Variants in EXOC6 observed in about 807,000 individuals in gnomAD.
The protein encoded by EXOC6 is SEC15-like 1.
A neutral mutation model predicts 112.5 loss-of-function variants in EXOC6; 60 were observed. The observed-to-expected ratio is 0.53, with a 90% CI of 0.43 to 0.66. The LOEUF is 0.66. Among genes scored for constraint, EXOC6 ranks in the 30% least tolerant of loss-of-function variants. EXOC6 has a pLI of 0.00. For synonymous variants in EXOC6, 295 were observed against 308.0 expected, an observed-to-expected ratio of 0.96 and a Z score of 0.44; for missense variants, 855 against 957.1, an observed-to-expected ratio of 0.89 and a Z score of 1.41.
Position 93,058,258 on chromosome 10 carries a change from C to T in EXOC6, c.2318C>T (p.Ala773Val), listed in dbSNP as rs1564947045. Residue 773 changes from alanine (A) to valine (V), a missense_variant, in exon 22 of 22, where the codon GCT (alanine) becomes GTT (valine). Transcript: ENST00000260762. ...ACTAGCAAAAAGAACAATATATTTGCTCAGTTCAGGAAGAATGATCGAGAC... is the reference window on the plus strand; with the variant it reads ...ACTAGCAAAAAGAACAATATATTTGTTCAGTTCAGGAAGAATGATCGAGAC... Reference protein sequence around the residue: ...KDTSKKNNIFAQFRKNDRDKQ... With the variant: ...KDTSKKNNIFVQFRKNDRDKQ... The T allele has an allele frequency of 1.2e-6, 2 of 1,608,844 alleles. No homozygotes were observed. Among genetic ancestry groups the T allele is most frequent in the Non-Finnish European group, 1.7e-6 (2 of 1,178,926 alleles).
intron 1 of EXOC6, among the ~76,000 whole-genome samples, chr10:92,883,450 T>C (rs2032424115): frequency 6.6e-6 from 1 of 152,150 alleles, no homozygotes; most frequent in Admixed American, 6.5e-5. Context: ...TTATAGTTAG[T>C]AACCAAAATT....
At chr10:92,845,804 G>T (rs1156835961), upstream of EXOC6, among the ~76,000 whole-genome samples, 1 of 151,852 alleles carries the variant, frequency 6.6e-6, no homozygotes, top group Non-Finnish European at 1.5e-5. Flanking sequence ...TGGGCGTGGT[G>T]GCACGTGCCT....
rs532324573 is a variant in EXOC6 at position 93,058,932 on chromosome 10, G to A, written c.*577G>A. 2 of 152,302 alleles carry A rather than the reference G, an allele frequency of 1.3e-5. No homozygotes were observed. The highest frequency in any genetic ancestry group is 4.8e-5 in the African/African-American group (2 of 41,574). The allele number at this position is 152,302 out of a possible 1,614,324, so 9.4% of individuals were successfully genotyped here. A position where few individuals can be genotyped will look rare whatever the true frequency, so the allele number is the denominator to read the frequency against. The stretch of plus-strand genomic sequence containing the variant: ...AATGTGAATTATTTGTTCTACTTGG[G>A]TGGTTTAATTTAATCGTTCTGAATA... On this transcript the variant is annotated 3_prime_UTR_variant, in exon 22 of 22. Transcript: ENST00000260762.
chr10:93,045,760 C>G (rs1468078252), intron 20 of EXOC6, among the ~76,000 whole-genome samples: 1 of 152,196 alleles, frequency 6.6e-6, no homozygotes, highest in Non-Finnish European at 1.5e-5. Context: ...CATTACATAA[C>G]TACTTGTTAT....
At chr10:92,897,685 C>G (rs1849900618) in intron 4 of EXOC6, among the ~76,000 whole-genome samples, 1 of 152,186 alleles carries the variant, frequency 6.6e-6, no homozygotes, top group African/African-American at 2.4e-5. Flanking sequence ...ATTGCTTCCT[C>G]TGCCCTTTTA....
At chr10:92,952,146 TATAAC>T (rs1853453432) in intron 14 of EXOC6, 122 bp from the exon 15 acceptor site, 2 of 606,848 alleles carry the variant, frequency 3.3e-6, no homozygotes, top group South Asian at 2.2e-5. Flanking sequence ...AATGTAGAAA[TATAAC>T]AGAGTTTTTG....
chr10:92,883,665 A>G (rs1212293437), intron 1 of EXOC6, among the ~76,000 whole-genome samples: 8 of 152,210 alleles, frequency 5.3e-5, no homozygotes, highest in Non-Finnish European at 1.2e-4. Context: ...TAATAGTAAA[A>G]ATGCCTATAC....
exon 1 of EXOC6, chr10:92,834,799 G>A (rs752026979): frequency 8.7e-6 from 14 of 1,610,102 alleles, no homozygotes; most frequent in East Asian, 6.7e-5. Context: ...TCAGTCTTTC[G>A]AACTGCCTGT....
At chr10:92,996,421 T>C (rs776274809) in intron 18 of EXOC6, among the ~76,000 whole-genome samples, 1 of 152,102 alleles carries the variant, frequency 6.6e-6, no homozygotes, top group Non-Finnish European at 1.5e-5. Context: ...ATCGAGACCA[T>C]CCTGGCTAAC....
intron 12 of EXOC6, among the ~76,000 whole-genome samples, chr10:92,938,810 T>C (rs1691848659): frequency 6.6e-6 from 1 of 152,128 alleles, no homozygotes; most frequent in African/African-American, 2.4e-5. Context: ...TAAGGCATCC[T>C]AATGCAGCAA....
upstream of EXOC6, among the ~76,000 whole-genome samples, chr10:92,830,662 C>G (rs930297627): frequency 1.3e-5 from 2 of 152,124 alleles, no homozygotes; most frequent in Non-Finnish European, 2.9e-5. Flanking sequence ...GTAGCACCAC[C>G]CACCTCCCAC....
rs1335384322 is a variant in EXOC6 at position 92,896,203 on chromosome 10, T to A, written c.412+1183T>A. On this transcript the variant is annotated intron_variant, in intron 4 of 21. Coordinates refer to ENST00000260762, the MANE Select transcript of EXOC6 (RefSeq NM_019053.6). ...TATATTTTTTTTTTTTTTTTTTTTT[T>A]TTTTTTTTTTTTTTGGCGGAGTCTC... Among the ~76,000 whole-genome samples the A allele has an allele frequency of 2.3e-3, 132 of 57,068 alleles. 6 individuals carry two copies. The highest frequency in any genetic ancestry group is 0.017 in the South Asian group (24 of 1,374). The allele number at this position is 57,068 out of a possible 152,430, so 37.4% of individuals were successfully genotyped here. A position where few individuals can be genotyped will look rare whatever the true frequency, so the allele number is the denominator to read the frequency against.
chr10:92,936,178 C>T (rs979040406), intron 12 of EXOC6, among the ~76,000 whole-genome samples: 4 of 151,988 alleles, frequency 2.6e-5, no homozygotes, highest in African/African-American at 7.2e-5. Context: ...TGGAAGGAAC[C>T]GTGAACTAGA....
At chr10:92,849,716 C>G (rs1322736546) in intron 1 of EXOC6, among the ~76,000 whole-genome samples, 1 of 152,122 alleles carries the variant, frequency 6.6e-6, no homozygotes, top group Non-Finnish European at 1.5e-5. Context: ...TACACCTTGC[C>G]CTTAAGAGTC....
intron 12 of EXOC6, among the ~76,000 whole-genome samples, chr10:92,938,192 G>A (rs1852457435): frequency 6.6e-6 from 1 of 152,074 alleles, no homozygotes; most frequent in Non-Finnish European, 1.5e-5. Context: ...TAATATTTAG[G>A]TAATATTGGC....
At chr10:92,936,118 C>A (rs893756837) in intron 12 of EXOC6, among the ~76,000 whole-genome samples, 1 of 151,910 alleles carries the variant, frequency 6.6e-6, no homozygotes, top group Non-Finnish European at 1.5e-5. Flanking sequence ...ATTGATCATT[C>A]AGTTAGAATA....
intron 1 of EXOC6, among the ~76,000 whole-genome samples, chr10:92,856,504 G>A (rs1343389871): frequency 6.6e-6 from 1 of 152,020 alleles, no homozygotes; most frequent in African/African-American, 2.4e-5. Context: ...TTTCTAAAAT[G>A]TCCTTCTGTT....
intron 6 of EXOC6, among the ~76,000 whole-genome samples, 170 bp from the exon 7 acceptor site, chr10:92,915,581 TTTTTTTA>T (rs1302953415): frequency 2.3e-4 from 34 of 147,164 alleles, no homozygotes; most frequent in Non-Finnish European, 4.2e-4. Context: ...TTTTTTTTTT[TTTTTTTA>T]AAAAAAGGAA....
intron 19 of EXOC6, among the ~76,000 whole-genome samples, chr10:93,012,431 T>C (rs905137691): frequency 6.6e-6 from 1 of 152,194 alleles, no homozygotes; most frequent in African/African-American, 2.4e-5. Flanking sequence ...TAGAACAAAA[T>C]GTATTCTTAA....
Sources: gnomAD v4.1 joint callset for allele counts (sites outside exome capture counted in the v4.1 genomes callset) on GRCh38, gnomAD v4.1.1 for gene constraint, MANE v1.5 for transcripts, NCBI Gene and HGNC (gene_info 2026-07-23, HGNC 2026-07-21) for gene names.